The following CTNNA3 variants were observed in gnomAD, a reference collection of about 807,000 sequenced individuals.
CTNNA3 encodes catenin alpha 3, also known as catenin alpha-3.
In CTNNA3, 76 loss-of-function variants were observed where a neutral mutation model predicts 95.7. That is an observed-to-expected ratio of 0.79 (90% CI 0.66 to 0.96). The LOEUF (loss-of-function observed/expected upper bound fraction) is 0.96, where lower values mean the gene tolerates loss of function less well. CTNNA3 is among the 40% of genes least tolerant of loss of function. CTNNA3 has a pLI of 0.00. For synonymous variants in CTNNA3, 431 were observed against 374.4 expected, an observed-to-expected ratio of 1.15 and a Z score of -1.74; for missense variants, 1,191 against 1,089.8, an observed-to-expected ratio of 1.09 and a Z score of -1.31.
intron 7 of CTNNA3, among the ~76,000 whole-genome samples, chr10:66,940,081 G>A (rs527460188): frequency 6.6e-6 from 1 of 152,058 alleles, no homozygotes; most frequent in South Asian, 2.1e-4. Flanking sequence ...GTTTGTTTTT[G>A]CTTTCAGTAC....
chr10:66,028,609 G>A (rs1017066046), intron 15 of CTNNA3, among the ~76,000 whole-genome samples: 1 of 145,148 alleles, frequency 6.9e-6, no homozygotes, highest in Non-Finnish European at 1.5e-5. Context: ...GTGGGGGAAG[G>A]GGGGAGGGAT....
intron 11 of CTNNA3, among the ~76,000 whole-genome samples, chr10:66,415,781 G>T (rs1456802840): frequency 6.6e-6 from 1 of 152,154 alleles, no homozygotes; most frequent in East Asian, 1.9e-4. Flanking sequence ...ACTAATTCAT[G>T]TACCTAGAAT....
At chr10:67,682,586 A>G (rs1366368211) in intron 1 of CTNNA3, among the ~76,000 whole-genome samples, 1 of 152,232 alleles carries the variant, frequency 6.6e-6, no homozygotes, top group Non-Finnish European at 1.5e-5. Context: ...GTATAAACTG[A>G]TATGAACTTC....
intron 7 of CTNNA3, among the ~76,000 whole-genome samples, chr10:67,091,043 T>C (rs533435614): frequency 6.6e-6 from 1 of 152,144 alleles, no homozygotes; most frequent in East Asian, 1.9e-4. Flanking sequence ...TTAATATTAC[T>C]CAAATAATAC....
In CTNNA3 at chr10:67,566,041, G is replaced by GTATACATATATATATATATATA. The variant is rs1388066358; in HGVS notation, c.293-26373_293-26372insTATATATATATATATATGTATA. On this transcript the variant is annotated intron_variant, in intron 3 of 17. Coordinates refer to ENST00000433211, the MANE Select transcript of CTNNA3 (RefSeq NM_013266.4). The stretch of plus-strand genomic sequence containing the variant: ...AACACACACACACACATATGTGTGT[G>GTATACATATATATATATATATA]TGTATATATATATATATATATATAT... Among the ~76,000 whole-genome samples the GTATACATATATATATATATATA allele has an allele frequency of 7.8e-4, 23 of 29,432 alleles. 2 individuals carry two copies. Among genetic ancestry groups the GTATACATATATATATATATATA allele is most frequent in the African/African-American group, 3.1e-3 (23 of 7,368 alleles). The allele number at this position is 29,432 out of a possible 152,430, so 19.3% of individuals were successfully genotyped here.
intron 13 of CTNNA3, among the ~76,000 whole-genome samples, chr10:66,231,641 G>C (rs1457651201): frequency 6.6e-6 from 1 of 151,782 alleles, no homozygotes; most frequent in Non-Finnish European, 1.5e-5. Context: ...CAGGGTAAAG[G>C]GAAAACAAAA....
chr10:67,481,883 T>C (rs1260792592), intron 5 of CTNNA3, among the ~76,000 whole-genome samples: 5 of 152,038 alleles, frequency 3.3e-5, no homozygotes, highest in African/African-American at 4.8e-5. Flanking sequence ...TGGTTTTAGG[T>C]CTAATGTTTA....
intron 7 of CTNNA3, among the ~76,000 whole-genome samples, chr10:66,999,677 T>C (rs937783608): frequency 1.3e-5 from 2 of 152,124 alleles, no homozygotes; most frequent in Admixed American, 6.6e-5. Context: ...GGCCTTAACT[T>C]AGATAGAAAG....
intron 5 of CTNNA3, among the ~76,000 whole-genome samples, chr10:67,372,523 G>A (rs1385814123): frequency 6.6e-6 from 1 of 152,180 alleles, no homozygotes; most frequent in Non-Finnish European, 1.5e-5. Flanking sequence ...AAGTGATAGG[G>A]AGAATGGAAC....
intron 6 of CTNNA3, among the ~76,000 whole-genome samples, chr10:67,188,223 C>T (rs1862954682): frequency 6.6e-6 from 1 of 152,208 alleles, no homozygotes; most frequent in Non-Finnish European, 1.5e-5. Context: ...GGGCTAAGCA[C>T]AGTGGCTCAC....
At chr10:67,006,843 G>T (rs140585884) in intron 7 of CTNNA3, among the ~76,000 whole-genome samples, 1 of 151,830 alleles carries the variant, frequency 6.6e-6, no homozygotes, top group African/African-American at 2.4e-5. Context: ...GCCCAGGCTG[G>T]AGTGCAGTGG....
chr10:66,191,196 T>C (rs1240621532), intron 13 of CTNNA3, among the ~76,000 whole-genome samples: 1 of 152,136 alleles, frequency 6.6e-6, no homozygotes, highest in African/African-American at 2.4e-5. Context: ...CTTTGCTCTG[T>C]AGGATAAATA....
chr10:66,582,262 T>C (rs1239883113), intron 10 of CTNNA3, among the ~76,000 whole-genome samples: 1 of 151,878 alleles, frequency 6.6e-6, no homozygotes, highest in Admixed American at 6.6e-5. Flanking sequence ...ATATTGATTG[T>C]TCTAACCCAT....
At chr10:67,525,488 C>G (rs1223214060) in intron 4 of CTNNA3, among the ~76,000 whole-genome samples, 2 of 152,186 alleles carry the variant, frequency 1.3e-5, no homozygotes, top group African/African-American at 2.4e-5. Context: ...TCTACTTTGT[C>G]TCAGCAGTCC....
intron 8 of CTNNA3, among the ~76,000 whole-genome samples, chr10:66,768,932 C>T (rs1388946766): frequency 6.6e-6 from 1 of 151,936 alleles, no homozygotes; most frequent in African/African-American, 2.4e-5. Flanking sequence ...AGTCCTATTG[C>T]TATGGTTTGA....
intron 7 of CTNNA3, among the ~76,000 whole-genome samples, chr10:67,062,989 G>A (rs914391221): frequency 1.3e-5 from 2 of 151,606 alleles, no homozygotes; most frequent in African/African-American, 2.4e-5. Flanking sequence ...TTTTCTGATC[G>A]TTGTCTTTTA....
At chr10:67,611,522 T>G (rs1024558028) in intron 2 of CTNNA3, among the ~76,000 whole-genome samples, 1 of 152,118 alleles carries the variant, frequency 6.6e-6, no homozygotes, top group African/African-American at 2.4e-5. Flanking sequence ...TTCACCATGT[T>G]AGCCAGGATG....
chr10:67,762,060 G>T (rs1236447720), intron 1 of CTNNA3, among the ~76,000 whole-genome samples: 1 of 151,414 alleles, frequency 6.6e-6, no homozygotes, highest in South Asian at 2.1e-4. Flanking sequence ...TGCATTAAAT[G>T]ACAATGCTAA....
At chr10:67,331,120 A>C (rs928014741) in intron 5 of CTNNA3, among the ~76,000 whole-genome samples, 1 of 152,232 alleles carries the variant, frequency 6.6e-6, no homozygotes, top group Admixed American at 6.5e-5. Context: ...TTTTTTAAAA[A>C]TAAATTGGGA....
Sources: gnomAD v4.1 joint callset for allele counts (sites outside exome capture counted in the v4.1 genomes callset) on GRCh38, gnomAD v4.1.1 for gene constraint, MANE v1.5 for transcripts, NCBI Gene and HGNC (gene_info 2026-07-23, HGNC 2026-07-21) for gene names.